Variants in ASCC3 observed in about 807,000 individuals in gnomAD.
ASCC3 encodes the protein ASC-1 complex subunit P200.
Under a neutral mutation model 256.3 loss-of-function variants are expected in ASCC3, and 158 were observed. The observed-to-expected ratio is 0.62, with a 90% confidence interval of 0.54 to 0.70. ASCC3 has a LOEUF of 0.70. Among genes scored for constraint, ASCC3 ranks in the 30% least tolerant of loss-of-function variants. The pLI, the probability that ASCC3 is intolerant of heterozygous loss-of-function variation, is 0.00. For missense variants in ASCC3, 2,259 were observed against 2,626.0 expected (o/e 0.86, Z 3.05); for synonymous variants, 948 against 883.4 (o/e 1.07, Z -1.30).
chr6:100,515,430 T>C (rs912288517), intron 39 of ASCC3, among the ~76,000 whole-genome samples: 5 of 152,188 alleles, frequency 3.3e-5, no homozygotes, highest in Admixed American at 3.3e-4. Flanking sequence ...AATACCTGCA[T>C]TTGCAAGTCA....
At chr6:100,534,786 T>C (rs1775083147) in intron 37 of ASCC3, among the ~76,000 whole-genome samples, 1 of 152,180 alleles carries the variant, frequency 6.6e-6, no homozygotes, top group Non-Finnish European at 1.5e-5. Flanking sequence ...GCAGGCTGTA[T>C]TGTAGACTCT....
Position 100,819,000 on chromosome 6 carries a change from T to C in ASCC3, c.802-13120A>G, listed in dbSNP as rs563881240. On this transcript the variant is annotated intron_variant, in intron 4 of 41. Coordinates refer to ENST00000369162, the MANE Select transcript of ASCC3 (RefSeq NM_006828.4). The stretch of plus-strand genomic sequence containing the variant: ...ACTATGCAGCCATAAAAAGGATGAG[T>C]TCATGTCCTTTGCAGGGACATAGAT... 2.6e-5 allele frequency among the ~76,000 whole-genome samples: 4 copies of C among 152,062 alleles called. No individual in the cohort carries two copies. The South Asian group carries it at 6.2e-4, about 24-fold the overall frequency.
At chr6:100,764,776 A>T (rs1294866170) in intron 10 of ASCC3, among the ~76,000 whole-genome samples, 2 of 152,074 alleles carry the variant, frequency 1.3e-5, no homozygotes, top group Non-Finnish European at 2.9e-5. Flanking sequence ...CAAAGGCCTC[A>T]CCTCCAACTA....
At chr6:100,646,557 T>C in intron 22 of ASCC3, 58 bp downstream of exon 22, 8 of 1,531,902 alleles carry the variant, frequency 5.2e-6, no homozygotes, top group Non-Finnish European at 7.2e-6. Context: ...CAGATGTAGT[T>C]GAGTCTGTAG....
chr6:100,794,766 T>C (rs1582874421), intron 8 of ASCC3, among the ~76,000 whole-genome samples: 1 of 152,202 alleles, frequency 6.6e-6, no homozygotes, highest in East Asian at 1.9e-4. Flanking sequence ...ATATTACTTT[T>C]CTAAATCAAG....
chr6:100,641,776 G>A (rs551935351), intron 24 of ASCC3, among the ~76,000 whole-genome samples: 2 of 152,202 alleles, frequency 1.3e-5, no homozygotes, highest in South Asian at 4.1e-4. Flanking sequence ...AATGTCCAAC[G>A]ATGACAGACT....
intron 4 of ASCC3, among the ~76,000 whole-genome samples, chr6:100,811,490 C>T (rs913644211): frequency 6.6e-6 from 1 of 151,890 alleles, no homozygotes; most frequent in Non-Finnish European, 1.5e-5. Context: ...TTGTTCTTAT[C>T]AGAAAAGTAG....
At chr6:100,533,758 C>T (rs1176011159) in intron 37 of ASCC3, among the ~76,000 whole-genome samples, 1 of 152,166 alleles carries the variant, frequency 6.6e-6, no homozygotes, top group Non-Finnish European at 1.5e-5. Context: ...GATATAAACA[C>T]ATATTCTTAT....
intron 13 of ASCC3, among the ~76,000 whole-genome samples, chr6:100,711,703 C>T (rs1778862424): frequency 6.6e-6 from 1 of 152,120 alleles, no homozygotes; most frequent in Admixed American, 6.5e-5. Flanking sequence ...GCACTCCAGC[C>T]TGGGCAACAA....
chr6:100,735,478 G>C lies in ASCC3; in HGVS notation c.1738-9775C>G, dbSNP rs560883176. Among the ~76,000 whole-genome samples the C allele has an allele frequency of 9.3e-5, 14 of 150,162 alleles. No individual in the cohort carries two copies. The East Asian group carries it at 2.7e-3, about 29-fold the overall frequency. ...CTTATTTTTTTTTTTTTGAAACTTTGCATTTTTCCCTTATGTGAAGAGTCC... is the reference window on the plus strand; with the variant it reads ...CTTATTTTTTTTTTTTTGAAACTTTCCATTTTTCCCTTATGTGAAGAGTCC... On this transcript the variant is annotated intron_variant, in intron 10 of 41. Transcript: ENST00000369162.
Position 100,748,910 on chromosome 6 carries a change from A to G in ASCC3, c.1737+17655T>C, listed in dbSNP as rs191994122. Among the ~76,000 whole-genome samples, 14 of 152,104 alleles carry G rather than the reference A, an allele frequency of 9.2e-5. 1 individual carries two copies. Among genetic ancestry groups the G allele is most frequent in the Admixed American group, 7.9e-4 (12 of 15,266 alleles). The stretch of plus-strand genomic sequence containing the variant: ...ATTGTACACATGCCTATCATCCATC[A>G]GCAGAAAAGACAAAGAACACTTTAA... On this transcript the variant is annotated intron_variant, in intron 10 of 41. Transcript: ENST00000369162.
At chr6:100,770,037 G>A (rs965321840) in intron 8 of ASCC3, among the ~76,000 whole-genome samples, 2 of 151,762 alleles carry the variant, frequency 1.3e-5, no homozygotes, top group East Asian at 1.9e-4. Flanking sequence ...TCAATTTTAA[G>A]TGGAGTTTTA....
intron 5 of ASCC3, among the ~76,000 whole-genome samples, chr6:100,800,872 T>C (rs1010621831): frequency 6.6e-6 from 1 of 151,730 alleles, no homozygotes; most frequent in Non-Finnish European, 1.5e-5. Flanking sequence ...TAGCATTTAC[T>C]GTTAATATAG....
intron 3 of ASCC3, 31 bp downstream of exon 3, chr6:100,864,033 A>T (rs1773355976): frequency 4.3e-5 from 25 of 578,222 alleles, no homozygotes; most frequent in Admixed American, 5.4e-5. Context: ...GGTTCTCTTT[A>T]AAAAAAAAAA....
chr6:100,840,075 T>C (rs1351048148), intron 4 of ASCC3, among the ~76,000 whole-genome samples: 3 of 152,136 alleles, frequency 2.0e-5, no homozygotes, highest in East Asian at 3.8e-4. Context: ...AAAGTAAAAA[T>C]AGTAATGAAT....
chr6:100,576,693 G>T (rs1770882211), intron 36 of ASCC3, among the ~76,000 whole-genome samples: 1 of 151,772 alleles, frequency 6.6e-6, no homozygotes, highest in Non-Finnish European at 1.5e-5. Context: ...TTTTTTAATC[G>T]CTGTATGGAA....
chr6:100,767,126 G>C lies in ASCC3; in HGVS notation c.1596+19C>G. 6.2e-7 allele frequency: 1 copy of C among 1,605,444 alleles called. No individual in the cohort carries two copies. Among genetic ancestry groups the C allele is most frequent in the Non-Finnish European group, 8.5e-7 (1 of 1,172,276 alleles). The stretch of plus-strand genomic sequence containing the variant: ...ATTCCTTACAATTTAAAAAGCTGTT[G>C]TCTGATTTATTTACTTACCTTAAAT... On this transcript the variant is annotated intron_variant, in intron 9 of 41. Coordinates refer to ENST00000369162, the MANE Select transcript of ASCC3 (RefSeq NM_006828.4).
At chr6:100,658,222 G>C (rs971846815) in intron 16 of ASCC3, among the ~76,000 whole-genome samples, 2 of 151,502 alleles carry the variant, frequency 1.3e-5, no homozygotes, top group South Asian at 2.1e-4. Context: ...ATTTCTAAAA[G>C]TGGCATTAGT....
At chr6:100,864,313 C>A in intron 2 of ASCC3, 99 bp from the exon 3 acceptor site, 1 of 1,086,664 alleles carries the variant, frequency 9.2e-7, no homozygotes, top group South Asian at 1.5e-5. Flanking sequence ...CAACTTGGTA[C>A]TACCCACAAG....
Sources: gnomAD v4.1 joint callset for allele counts (sites outside exome capture counted in the v4.1 genomes callset) on GRCh38, gnomAD v4.1.1 for gene constraint, MANE v1.5 for transcripts, NCBI Gene and HGNC (gene_info 2026-07-23, HGNC 2026-07-21) for gene names.